Variants in OVCH1 observed in about 807,000 individuals in gnomAD.
OVCH1 encodes ovochymase 1, also known as ovochymase-1.
In OVCH1, 139 loss-of-function variants were observed where a neutral mutation model predicts 138.4. The observed-to-expected ratio is 1.00, with a 90% CI of 0.87 to 1.16. The LOEUF (loss-of-function observed/expected upper bound fraction) is 1.16, where lower values mean the gene tolerates loss of function less well. OVCH1 is among the 50% of genes most tolerant of loss of function. The probability of loss-of-function intolerance (pLI) is 0.00; values close to 1 mark genes in which losing one functional copy is unlikely to be tolerated. For synonymous variants in OVCH1, 453 were observed against 467.8 expected, an observed-to-expected ratio of 0.97 and a Z score of 0.41; for missense variants, 1,367 against 1,357.9, an observed-to-expected ratio of 1.01 and a Z score of -0.11.
intron 22 of OVCH1, among the ~76,000 whole-genome samples, chr12:29,445,948 A>G (rs1030624154): frequency 2.6e-5 from 4 of 152,102 alleles, no homozygotes; most frequent in Non-Finnish European, 4.4e-5. Context: ...CTTCTAAACT[A>G]AGAATAATTC....
downstream of OVCH1, among the ~76,000 whole-genome samples, chr12:29,410,691 G>A (rs554995730): frequency 2.8e-4 from 42 of 151,742 alleles, no homozygotes; most frequent in Non-Finnish European, 5.6e-4. Context: ...CTGTTAGTCT[G>A]ATGGGCTTCC....
exon 23 of OVCH1, chr12:29,445,314 C>T (rs1459123291): frequency 1.2e-6 from 2 of 1,611,834 alleles, no homozygotes; most frequent in African/African-American, 2.7e-5. Flanking sequence ...ATACCAAATG[C>T]ACCTCGTACA....
intron 8 of OVCH1, among the ~76,000 whole-genome samples, chr12:29,484,077 GA>G (rs1381307975): frequency 1.4e-4 from 21 of 152,120 alleles, no homozygotes; most frequent in African/African-American, 5.1e-4. Context: ...GTCTCAGTAC[GA>G]TTTTAAAAAT....
intron 16 of OVCH1, among the ~76,000 whole-genome samples, chr12:29,467,740 A>G (rs1592079222): frequency 6.6e-6 from 1 of 152,222 alleles, no homozygotes; most frequent in South Asian, 2.1e-4. Flanking sequence ...GGAATTAACA[A>G]GATGAGAACA....
intron 22 of OVCH1, among the ~76,000 whole-genome samples, chr12:29,445,845 T>C (rs1045537539): frequency 2.0e-5 from 3 of 152,102 alleles, no homozygotes; most frequent in Non-Finnish European, 4.4e-5. Flanking sequence ...AAGTCAAAGA[T>C]AGAAGGGAAA....
intron 8 of OVCH1, among the ~76,000 whole-genome samples, chr12:29,485,580 C>A (rs1183209565): frequency 6.6e-6 from 1 of 152,070 alleles, no homozygotes; most frequent in Non-Finnish European, 1.5e-5. Flanking sequence ...CGAGACCATC[C>A]TGGCTAACAC....
chr12:29,491,232 C>G (rs370580445), intron 4 of OVCH1, 40 bp from the exon 5 acceptor site: 17 of 1,468,298 alleles, frequency 1.2e-5, no homozygotes, highest in Non-Finnish European at 1.4e-5. Context: ...TGGATAAATA[C>G]GCCATGTTGA....
At chr12:29,404,061 G>A in the OVCH1 span, among the ~76,000 whole-genome samples, 2 of 152,156 alleles carry the variant, frequency 1.3e-5, no homozygotes, top group African/African-American at 2.4e-5. Flanking sequence ...AATGATGGGC[G>A]GAAGTGACAC....
Position 29,478,861 on chromosome 12 carries a change from A to G in OVCH1, c.1043T>C (p.Leu348Ser), listed in dbSNP as rs1258162053. The G allele has an allele frequency of 1.9e-6, 3 of 1,592,710 alleles. No individual in the cohort carries two copies. The African/African-American group carries it at 4.1e-5, about 22-fold the overall frequency. ...AAAAAGCACTCCACTGCTTGATCGT[A>G]AAGATACATAGTCATGATCACATCC... The change falls in exon 9 of 28, where the codon TTA becomes TCA. Residue 348 changes from leucine (L) to serine (S), a missense_variant. Physicochemically the swap from Leu to Ser is moderately radical, Grantham distance 145 (BLOSUM62 -2). Coordinates refer to ENST00000318184, the Ensembl canonical transcript of OVCH1.
intron 27 of OVCH1, among the ~76,000 whole-genome samples, chr12:29,429,244 CAT>C (rs767268888): frequency 6.6e-6 from 1 of 152,084 alleles, no homozygotes; most frequent in Non-Finnish European, 1.5e-5. Flanking sequence ...TCCTTTAAAA[CAT>C]ATGGCATCTG....
Position 29,479,824 on chromosome 12 carries a change from C to CTT in OVCH1, c.996-918_996-917dup, listed in dbSNP as rs34551074. Among the ~76,000 whole-genome samples, 747 of 128,388 alleles carry CTT rather than the reference C, an allele frequency of 5.8e-3. 8 individuals are homozygous for CTT. Among genetic ancestry groups the CTT allele is most frequent in the East Asian group, 9.1e-3 (40 of 4,382 alleles). 84.2% of individuals were successfully genotyped at this position (128,388 alleles called of 152,430 possible). ...ATCTTAATTGGCAACTCTTTTTTTT[C>CTT]TTTTTTTTTTTTTTTTTGAGACTGA... On this transcript the variant is annotated intron_variant, in intron 8 of 27. Transcript: ENST00000318184.
chr12:29,478,135 C>CA (rs534343087), intron 9 of OVCH1, among the ~76,000 whole-genome samples: 103 of 152,222 alleles, frequency 6.8e-4, no homozygotes, highest in African/African-American at 2.4e-3. Flanking sequence ...ATGGTTAACA[C>CA]AGAGTATTTC....
chr12:29,484,719 T>C (rs1039846677), intron 8 of OVCH1, among the ~76,000 whole-genome samples: 2 of 152,172 alleles, frequency 1.3e-5, no homozygotes, highest in African/African-American at 4.8e-5. Flanking sequence ...ATACCAATTA[T>C]GAGAATAGTA....
At chr12:29,461,924 TGGG>T in exon 19 of OVCH1, 10 of 1,613,938 alleles carry the variant, frequency 6.2e-6, no homozygotes, top group Non-Finnish European at 8.5e-6. Context: ...CCCTCCTGGA[TGGG>T]CAGAATAGTA....
chr12:29,478,807 C>A, intron 9 of OVCH1, 28 bp downstream of exon 10: 2 of 1,478,534 alleles, frequency 1.4e-6, no homozygotes, highest in South Asian at 1.4e-5. Flanking sequence ...TCTAAAATGA[C>A]AAATAAAAAC....
At chr12:29,419,264 CT>C (rs1224020806) in intron 3 of OVCH1, among the ~76,000 whole-genome samples, 1 of 151,662 alleles carries the variant, frequency 6.6e-6, no homozygotes, top group African/African-American at 2.4e-5. Context: ...TATATATTTT[CT>C]TTCCTCCATA....
At chr12:29,474,002 C>A (rs1360422487) in intron 14 of OVCH1, among the ~76,000 whole-genome samples, 1 of 151,804 alleles carries the variant, frequency 6.6e-6, no homozygotes, top group Admixed American at 6.6e-5. Context: ...TTCCTTGCTC[C>A]TCAGCTTGCA....
At chr12:29,476,373 G>A (rs144660397) in intron 12 of OVCH1, 74 bp from the exon 13 acceptor site, 6 of 1,208,542 alleles carry the variant, frequency 5.0e-6, no homozygotes, top group Non-Finnish European at 7.3e-6. Flanking sequence ...TTTCCTCTGT[G>A]TATTTAAAGG....
exon 10 of OVCH1, chr12:29,477,572 C>G (rs757935679): frequency 3.7e-6 from 6 of 1,613,628 alleles, no homozygotes; most frequent in Non-Finnish European, 4.2e-6. Flanking sequence ...CATGAGAGAT[C>G]TCTGATCTAA....
Sources: gnomAD v4.1 joint callset for allele counts (sites outside exome capture counted in the v4.1 genomes callset) on GRCh38, gnomAD v4.1.1 for gene constraint, MANE v1.5 for transcripts, NCBI Gene and HGNC (gene_info 2026-07-23, HGNC 2026-07-21) for gene names.